The following TXNRD1 variants were observed in gnomAD, a reference collection of about 807,000 sequenced individuals.
The protein encoded by TXNRD1 is thioredoxin reductase 1, cytoplasmic.
In TXNRD1, 57 loss-of-function variants were observed where a neutral mutation model predicts 80.3. That is an observed-to-expected ratio of 0.71 (90% CI 0.57 to 0.89). The LOEUF (loss-of-function observed/expected upper bound fraction) is 0.89, where lower values mean the gene tolerates loss of function less well. TXNRD1 is among the 40% of genes least tolerant of loss of function. The pLI is 0.00. For missense variants in TXNRD1, 730 were observed against 803.0 expected (o/e 0.91, Z 1.10); for synonymous variants, 291 against 285.2 (o/e 1.02, Z -0.20).
chr12:104,310,346 A>T (rs566237558), intron 4 of TXNRD1, among the ~76,000 whole-genome samples: 2 of 152,044 alleles, frequency 1.3e-5, no homozygotes, highest in South Asian at 4.2e-4. Context: ...GACAGGGTTC[A>T]CCCCGTTGGC....
At chr12:104,341,651 G>C (rs553618872) in intron 16 of TXNRD1, among the ~76,000 whole-genome samples, 125 of 144,470 alleles carry the variant, frequency 8.7e-4, no homozygotes, top group Non-Finnish European at 1.3e-3. Flanking sequence ...CACCAGCTGG[G>C]TGTCTAGAAA....
At chr12:104,269,628 C>T (rs965232715) in intron 3 of TXNRD1, among the ~76,000 whole-genome samples, 1 of 151,704 alleles carries the variant, frequency 6.6e-6, no homozygotes, top group African/African-American at 2.4e-5. Flanking sequence ...AGTGCAGTGG[C>T]GCGATCTCGG....
intron 1 of TXNRD1, among the ~76,000 whole-genome samples, chr12:104,234,678 C>T (rs1341874844): frequency 6.7e-6 from 1 of 148,560 alleles, no homozygotes; most frequent in Non-Finnish European, 1.5e-5. Context: ...AAATTTAACT[C>T]AGGTATTTGA....
rs11111988 is a variant in TXNRD1, at chr12:104,306,628, A to G, written c.415-4662A>G. Among the ~76,000 whole-genome samples, 1,442 of 152,322 alleles carry G rather than the reference A, an allele frequency of 9.5e-3. 26 individuals are homozygous for G. Among genetic ancestry groups the G allele is most frequent in the African/African-American group, 0.033 (1,363 of 41,558 alleles). Reference sequence around the variant, plus strand: ...TGTATGGAGATGAGGTTCTTCACCAATAATAGAGTAGAGGTTTTAGCAAAA... The same window carrying G: ...TGTATGGAGATGAGGTTCTTCACCAGTAATAGAGTAGAGGTTTTAGCAAAA... On this transcript the variant is annotated intron_variant, in intron 4 of 16. Coordinates refer to ENST00000525566, the MANE Select transcript of TXNRD1 (RefSeq NM_001093771.3).
intron 3 of TXNRD1, among the ~76,000 whole-genome samples, chr12:104,267,661 C>CTTTCTTTCTTTCTTTCTTTG (rs1565870077): frequency 1.6e-4 from 5 of 32,090 alleles, no homozygotes; most frequent in East Asian, 1.1e-3. Context: ...TTCTTTCTTT[C>CTTTCTTTCTTTCTTTCTTTG]TTTCTTTCTT....
chr12:104,228,355 G>A (rs1043202741), intron 1 of TXNRD1, among the ~76,000 whole-genome samples: 6 of 151,758 alleles, frequency 4.0e-5, no homozygotes, highest in Non-Finnish European at 7.4e-5. Context: ...AATATAGGCC[G>A]GTTGTGGTGG....
intron 1 of TXNRD1, among the ~76,000 whole-genome samples, chr12:104,221,135 G>A (rs895398518): frequency 6.6e-5 from 10 of 151,956 alleles, no homozygotes; most frequent in Admixed American, 2.0e-4. Flanking sequence ...GGTGGCGTGC[G>A]CCTGTTAGTC....
In TXNRD1 at chr12:104,321,326, T is replaced by C; in HGVS notation, c.1215+10T>C. Reference sequence around the variant, plus strand: ...GTTCGTACCAATTAAAGTAAGTGGGTTTGCCTGTAGGTTTCTTGATTCTAC... The same window carrying C: ...GTTCGTACCAATTAAAGTAAGTGGGCTTGCCTGTAGGTTTCTTGATTCTAC... On this transcript the variant is annotated intron_variant, in intron 10 of 16. Transcript: ENST00000525566. 1 of 1,610,406 alleles carries C rather than the reference T, an allele frequency of 6.2e-7. No individual in the cohort carries two copies.
chr12:104,276,858 A>G (rs1419025763), intron 3 of TXNRD1, among the ~76,000 whole-genome samples: 1 of 152,248 alleles, frequency 6.6e-6, no homozygotes, highest in Non-Finnish European at 1.5e-5. Context: ...GATGACTGAG[A>G]ACATGTAAAG....
At chr12:104,251,012 T>G (rs1319553436) in intron 1 of TXNRD1, among the ~76,000 whole-genome samples, 3 of 152,222 alleles carry the variant, frequency 2.0e-5, no homozygotes, top group Admixed American at 2.0e-4. Context: ...GTAAGTATTT[T>G]TATTGCAGTC....
At chr12:104,334,664 C>CAT (rs1436064334) in intron 15 of TXNRD1, among the ~76,000 whole-genome samples, 1 of 152,214 alleles carries the variant, frequency 6.6e-6, no homozygotes, top group African/African-American at 2.4e-5. Context: ...AGCCACCATA[C>CAT]CCGGCTTTAG....
At chr12:104,301,838 C>A (rs931193172) in intron 4 of TXNRD1, among the ~76,000 whole-genome samples, 1 of 152,200 alleles carries the variant, frequency 6.6e-6, no homozygotes, top group African/African-American at 2.4e-5. Context: ...ACTTACCTTT[C>A]TTTCATTTTT....
At chr12:104,291,543 G>A (rs1204073493) in intron 4 of TXNRD1, among the ~76,000 whole-genome samples, 3 of 147,410 alleles carry the variant, frequency 2.0e-5, no homozygotes, top group Non-Finnish European at 4.5e-5. Context: ...GAGTTCAGTG[G>A]CGCGATCTTG....
At chr12:104,303,798 C>G (rs1331527194) in intron 4 of TXNRD1, 1 of 1,353,150 alleles carries the variant, frequency 7.4e-7, no homozygotes, top group Admixed American at 2.9e-5. Flanking sequence ...AGGGCCGTTA[C>G]CTCAGAGATA....
intron 4 of TXNRD1, among the ~76,000 whole-genome samples, chr12:104,297,091 G>A (rs1018460287): frequency 1.3e-5 from 2 of 151,936 alleles, no homozygotes; most frequent in African/African-American, 2.4e-5. Context: ...ATCACTTGAG[G>A]TCAGGAGTTT....
chr12:104,288,737 GTCAGAC>G, intron 3 of TXNRD1, 188 bp from the exon 4 acceptor site: 1 of 1,450,340 alleles, frequency 6.9e-7, no homozygotes, highest in Non-Finnish European at 9.1e-7. Flanking sequence ...ATTTGCCGGG[GTCAGAC>G]TCCAAGCTTG....
rs1555209319 is a variant in TXNRD1, at chr12:104,267,721, C to CTTTCTTTT, written c.304+9643_304+9644insTTCTTTTT. ...TCTTTCTCTCTTTCTTTCTTTCTTT[C>CTTTCTTTT]TCTTTCTTTCTTTCCTTTCTTCCTT... On this transcript the variant is annotated intron_variant, in intron 3 of 16. Coordinates refer to ENST00000525566, the MANE Select transcript of TXNRD1 (RefSeq NM_001093771.3). Among the ~76,000 whole-genome samples the CTTTCTTTT allele has an allele frequency of 8.3e-5, 7 of 84,770 alleles. 1 individual carries two copies. The highest frequency in any genetic ancestry group is 2.0e-4 in the African/African-American group (6 of 29,606). The allele number at this position is 84,770 out of a possible 152,430, so 55.6% of individuals were successfully genotyped here.
At chr12:104,322,261 T>A (rs756730646) in intron 10 of TXNRD1, among the ~76,000 whole-genome samples, 65 of 152,210 alleles carry the variant, frequency 4.3e-4, no homozygotes, top group South Asian at 1.2e-3. Context: ...GAAAAGTACC[T>A]GGTAGAGAGT....
intron 1 of TXNRD1, among the ~76,000 whole-genome samples, chr12:104,245,664 A>C (rs2032968737): frequency 1.3e-5 from 2 of 151,030 alleles, no homozygotes; most frequent in African/African-American, 4.9e-5. Flanking sequence ...AAAAAAAAAA[A>C]AAAAAAGTAT....
Sources: allele counts gnomAD v4.1 joint callset (sites outside exome capture counted in the v4.1 genomes callset), GRCh38; gene constraint gnomAD v4.1.1; transcripts MANE v1.5; gene names NCBI Gene and HGNC (gene_info 2026-07-23, HGNC 2026-07-21).